The following ALCAM variants were observed in gnomAD, a reference collection of about 807,000 sequenced individuals.
ALCAM encodes activated leukocyte cell adhesion molecule.
ALCAM carries 30 observed loss-of-function variants against 70.9 expected under a neutral mutation model. The ratio of observed to expected loss-of-function variants is 0.42; its 90% CI spans 0.32 to 0.57. The LOEUF is 0.57. ALCAM is among the 20% of genes least tolerant of loss of function. The pLI is 0.11. For missense variants in ALCAM, 591 were observed against 695.1 expected (o/e 0.85, Z 1.68); for synonymous variants, 249 against 242.5 (o/e 1.03, Z -0.25).
intron 1 of ALCAM, among the ~76,000 whole-genome samples, chr3:105,415,036 T>C (rs529860775): frequency 2.6e-5 from 4 of 152,228 alleles, no homozygotes; most frequent in African/African-American, 9.6e-5. Context: ...TCAGCCTGGA[T>C]AGTTTGGCCT....
intron 1 of ALCAM, among the ~76,000 whole-genome samples, chr3:105,384,438 CTTACT>C (rs2107340880): frequency 6.6e-6 from 1 of 151,256 alleles, no homozygotes; most frequent in African/African-American, 2.4e-5. Context: ...GTTTTATTTC[CTTACT>C]TTACTTTTGA....
At chr3:105,468,570 G>C (rs979539704) in intron 1 of ALCAM, among the ~76,000 whole-genome samples, 3 of 151,274 alleles carry the variant, frequency 2.0e-5, no homozygotes, top group African/African-American at 7.3e-5. Flanking sequence ...GAAGAAGATG[G>C]TGGTTTCATG....
chr3:105,509,117 CATAA>C (rs1481101754), intron 1 of ALCAM, among the ~76,000 whole-genome samples: 16 of 152,064 alleles, frequency 1.1e-4, no homozygotes, highest in Middle Eastern at 3.4e-3. Flanking sequence ...TCCTTTCATC[CATAA>C]ATAGACACTT....
At chr3:105,478,212 T>C (rs1938173228) in intron 1 of ALCAM, among the ~76,000 whole-genome samples, 1 of 152,146 alleles carries the variant, frequency 6.6e-6, no homozygotes, top group African/African-American at 2.4e-5. Context: ...TTTGTGTATT[T>C]GTTGTAACAG....
intron 4 of ALCAM, among the ~76,000 whole-genome samples, chr3:105,532,272 G>A (rs1296886714): frequency 6.6e-6 from 1 of 152,070 alleles, no homozygotes; most frequent in Non-Finnish European, 1.5e-5. Context: ...GGAAGGTGGG[G>A]TCATTTCTGA....
intron 6 of ALCAM, among the ~76,000 whole-genome samples, chr3:105,537,089 G>GA (rs952911645): frequency 2.2e-4 from 34 of 151,342 alleles, no homozygotes; most frequent in African/African-American, 4.1e-4. Context: ...TCCATTTCAA[G>GA]AAAAAAAAAT....
chr3:105,514,342 G>A (rs2152620956), intron 1 of ALCAM, among the ~76,000 whole-genome samples: 1 of 152,022 alleles, frequency 6.6e-6, no homozygotes, highest in Middle Eastern at 3.4e-3. Flanking sequence ...TGGGGCCAAG[G>A]AACCATAAAA....
At chr3:105,559,277 C>T (rs1014496245) in intron 14 of ALCAM, among the ~76,000 whole-genome samples, 108 of 145,720 alleles carry the variant, frequency 7.4e-4, no homozygotes, top group Non-Finnish European at 1.3e-3. Context: ...TATACATATA[C>T]ACATATATAA....
chr3:105,498,640 CA>C (rs1206573681), intron 1 of ALCAM, among the ~76,000 whole-genome samples: 1 of 152,102 alleles, frequency 6.6e-6, no homozygotes, highest in East Asian at 1.9e-4. Context: ...CTTTTTATAA[CA>C]CTTCAAAGTT....
intron 6 of ALCAM, 56 bp downstream of exon 6, chr3:105,534,901 T>A (rs1397734995): frequency 1.4e-6 from 2 of 1,475,718 alleles, no homozygotes; most frequent in African/African-American, 1.4e-5. Context: ...AATATTCAAA[T>A]GCTATTAATC....
intron 14 of ALCAM, among the ~76,000 whole-genome samples, chr3:105,553,859 T>G (rs1040090911): frequency 6.6e-6 from 1 of 151,954 alleles, no homozygotes; most frequent in Non-Finnish European, 1.5e-5. Context: ...AGTGATGTTT[T>G]AGAATCTTTG....
At position 105,547,403 on chromosome 3, in the gene ALCAM, A is replaced by G. The variant is rs753652011; in HGVS notation, c.1254A>G (p.Ile418Met). The change falls in exon 11 of 16, where the codon ATA becomes ATG. Residue 418 changes from isoleucine (I) to methionine (M), a missense_variant. This residue lies in a region of ALCAM where 164 missense variants were observed against 244.7 expected (regional missense o/e 0.67). Coordinates refer to ENST00000306107, the MANE Select transcript of ALCAM (RefSeq NM_001627.4). Reference protein sequence around the residue: ...LTLIVEGKPQIKMTKKTDPSG... With the variant: ...LTLIVEGKPQMKMTKKTDPSG... ...GTAATATTTCAGGCAAACCTCAAAT[A>G]AAAATGACAAAGAAAACTGATCCCA... The G allele has an allele frequency of 6.2e-7, 1 of 1,604,538 alleles. No individual in the cohort carries two copies. The highest frequency in any genetic ancestry group is 8.5e-7 in the Non-Finnish European group (1 of 1,176,004).
In ALCAM at chr3:105,483,010, C is replaced by A. The variant is rs551299231; in HGVS notation, c.74-37057C>A. Among the ~76,000 whole-genome samples the A allele has an allele frequency of 4.7e-4, 72 of 152,170 alleles. 1 individual carries two copies. The South Asian group carries it at 0.011, about 22-fold the overall frequency. On this transcript the variant is annotated intron_variant, in intron 1 of 15. Transcript: ENST00000306107. ...GCCAATTTCCCCCCTGATTCTCAATCTAAGGGGATTAGTAGAAAACCAACT... is the reference window on the plus strand; with the variant it reads ...GCCAATTTCCCCCCTGATTCTCAATATAAGGGGATTAGTAGAAAACCAACT...
chr3:105,512,955 T>C (rs529560808), intron 1 of ALCAM, among the ~76,000 whole-genome samples: 2 of 151,934 alleles, frequency 1.3e-5, no homozygotes, highest in South Asian at 4.1e-4. Context: ...AAAAACATAC[T>C]TAAACATTTC....
chr3:105,475,835 A>G (rs1000016912), intron 1 of ALCAM, among the ~76,000 whole-genome samples: 3 of 151,804 alleles, frequency 2.0e-5, no homozygotes, highest in African/African-American at 7.3e-5. Flanking sequence ...TCATGCTCTT[A>G]AATGTCCCAT....
intron 1 of ALCAM, among the ~76,000 whole-genome samples, chr3:105,422,190 A>G (rs909829429): frequency 1.5e-4 from 22 of 151,372 alleles, no homozygotes; most frequent in African/African-American, 5.3e-4. Context: ...TCTGTGGGTG[A>G]GTAATATTCC....
In ALCAM at chr3:105,463,064, A is replaced by T. The variant is rs372335037; in HGVS notation, c.74-57003A>T. 1.3e-4 allele frequency among the ~76,000 whole-genome samples: 20 copies of T among 151,536 alleles called. 1 individual carries two copies. The highest frequency in any genetic ancestry group is 3.4e-4 in the African/African-American group (14 of 41,392). ...TAGTCTTTCATAGCTGACGTACTAC[A>T]TAACAAATACAATACATTTTAACCT... On this transcript the variant is annotated intron_variant, in intron 1 of 15. Transcript: ENST00000306107.
chr3:105,465,668 A>G (rs1055077777), intron 1 of ALCAM, among the ~76,000 whole-genome samples: 1 of 151,424 alleles, frequency 6.6e-6, no homozygotes, highest in Non-Finnish European at 1.5e-5. Context: ...AATCCTCAGC[A>G]AGTTTAGGAA....
At chr3:105,368,235 G>GAGAGAGAGAGAGAGAGAGAGAGAGAC (rs1935125875) in intron 1 of ALCAM, among the ~76,000 whole-genome samples, 1 of 147,796 alleles carries the variant, frequency 6.8e-6, no homozygotes, top group African/African-American at 2.5e-5. Context: ...GAGAGAGAGA[G>GAGAGAGAGAGAGAGAGAGAGAGAGAC]AGAGAGAGAG....
Sources: allele counts gnomAD v4.1 joint callset (sites outside exome capture counted in the v4.1 genomes callset), GRCh38; gene constraint gnomAD v4.1.1; regional missense constraint gnomAD v4.1.1; transcripts MANE v1.5; gene names NCBI Gene and HGNC (gene_info 2026-07-23, HGNC 2026-07-21).